Variants in LHFPL2 observed in about 807,000 individuals in gnomAD.
The protein encoded by LHFPL2 is LHFPL tetraspan subfamily member 2 protein.
In LHFPL2, 7 loss-of-function variants were observed where a neutral mutation model predicts 17.5. The observed-to-expected ratio is 0.40, with a 90% CI of 0.23 to 0.75. The LOEUF (loss-of-function observed/expected upper bound fraction) is 0.75. Ranked by LOEUF, LHFPL2 falls within the 30% of genes least tolerant of loss-of-function variation. The pLI is 0.37. For missense variants in LHFPL2, 241 were observed against 294.8 expected (o/e 0.82, Z 1.34); for synonymous variants, 134 against 116.2 (o/e 1.15, Z -0.99).
intron 2 of LHFPL2, among the ~76,000 whole-genome samples, chr5:78,609,162 A>C (rs1744325422): frequency 6.6e-6 from 1 of 152,060 alleles, no homozygotes; most frequent in Non-Finnish European, 1.5e-5. Flanking sequence ...CTGGAGAAAA[A>C]TCCATCTATA....
At chr5:78,634,738 C>T (rs1169764938) in intron 1 of LHFPL2, among the ~76,000 whole-genome samples, 2 of 152,216 alleles carry the variant, frequency 1.3e-5, no homozygotes, top group East Asian at 3.8e-4. Context: ...ATGATTTGCC[C>T]AAGGCCGCAG....
rs568427588 is a variant in LHFPL2 at position 78,490,844 on chromosome 5, C to G, written c.431-1691G>C. 3.3e-5 allele frequency among the ~76,000 whole-genome samples: 5 copies of G among 151,352 alleles called. No homozygotes were observed. The South Asian group carries it at 1.0e-3, about 32-fold the overall frequency. On this transcript the variant is annotated intron_variant, in intron 4 of 4. Coordinates refer to ENST00000380345, the MANE Select transcript of LHFPL2 (RefSeq NM_005779.3). ...ACCTATGTAATCAAGAATGCTGTAT[C>G]ATAATCAAAGTTCCCACTTTTTAGA...
chr5:78,620,897 C>T (rs1357088316), intron 2 of LHFPL2, among the ~76,000 whole-genome samples: 6 of 151,918 alleles, frequency 3.9e-5, no homozygotes, highest in Non-Finnish European at 8.8e-5. Context: ...GCACATATGC[C>T]GTGGCTCCAG....
chr5:78,579,335 T>C (rs1032364570), intron 2 of LHFPL2, among the ~76,000 whole-genome samples: 2 of 151,948 alleles, frequency 1.3e-5, no homozygotes, highest in African/African-American at 4.8e-5. Context: ...GTTGTTGTTG[T>C]TTTTCATTTA....
intron 4 of LHFPL2, among the ~76,000 whole-genome samples, chr5:78,501,671 C>T (rs772445025): frequency 6.6e-6 from 1 of 152,174 alleles, no homozygotes; most frequent in African/African-American, 2.4e-5. Flanking sequence ...TCAAGTGATC[C>T]TCCTGCCCGT....
chr5:78,490,576 C>T (rs1244915514), intron 4 of LHFPL2, among the ~76,000 whole-genome samples: 2 of 151,846 alleles, frequency 1.3e-5, no homozygotes, highest in Non-Finnish European at 2.9e-5. Flanking sequence ...CATGGTGAAA[C>T]CCCGTCTAAC....
intron 2 of LHFPL2, among the ~76,000 whole-genome samples, chr5:78,578,722 G>A (rs189782631): frequency 1.3e-5 from 2 of 152,254 alleles, no homozygotes; most frequent in African/African-American, 4.8e-5. Context: ...TGAATGACTT[G>A]ACTTTGCTGT....
At chr5:78,619,687 A>T (rs566009202) in intron 2 of LHFPL2, among the ~76,000 whole-genome samples, 2 of 131,196 alleles carry the variant, frequency 1.5e-5, no homozygotes, top group East Asian at 4.8e-4. Flanking sequence ...GAGTGTAATG[A>T]TCCCCTTCCT....
At chr5:78,607,681 A>G (rs2112481461) in intron 2 of LHFPL2, among the ~76,000 whole-genome samples, 1 of 152,340 alleles carries the variant, frequency 6.6e-6, no homozygotes, top group Middle Eastern at 3.4e-3. Context: ...AGTCAGCATG[A>G]AAAGTCCATC....
At chr5:78,646,761 C>T (rs1274812865) in intron 1 of LHFPL2, among the ~76,000 whole-genome samples, 1 of 152,208 alleles carries the variant, frequency 6.6e-6, no homozygotes, top group Non-Finnish European at 1.5e-5. Context: ...CCCATGCATA[C>T]GGTGAACAGC....
At chr5:78,578,090 C>T (rs181771799) in intron 2 of LHFPL2, among the ~76,000 whole-genome samples, 1 of 152,322 alleles carries the variant, frequency 6.6e-6, no homozygotes, top group South Asian at 2.1e-4. Flanking sequence ...TCTCAACTGG[C>T]AAACACCAGG....
chr5:78,570,957 G>A (rs1022470300), intron 2 of LHFPL2, among the ~76,000 whole-genome samples: 1 of 152,094 alleles, frequency 6.6e-6, no homozygotes, highest in Non-Finnish European at 1.5e-5. Context: ...ACAGACCAAT[G>A]TTTCTGAAAA....
At chr5:78,560,788 T>A (rs1756704925) in intron 3 of LHFPL2, among the ~76,000 whole-genome samples, 1 of 152,044 alleles carries the variant, frequency 6.6e-6, no homozygotes, top group South Asian at 2.1e-4. Context: ...GAACAAAACC[T>A]TAAAAAAAGA....
intron 2 of LHFPL2, among the ~76,000 whole-genome samples, chr5:78,590,744 A>C (rs1377824714): frequency 6.6e-6 from 1 of 152,244 alleles, no homozygotes; most frequent in Non-Finnish European, 1.5e-5. Context: ...TAGTTGTATC[A>C]TCCATGCTGG....
intron 3 of LHFPL2, among the ~76,000 whole-genome samples, chr5:78,562,238 A>C (rs1756747478): frequency 6.6e-6 from 1 of 152,168 alleles, no homozygotes; most frequent in South Asian, 2.1e-4. Context: ...AGAATTCCAC[A>C]TGGTAATGAA....
intron 3 of LHFPL2, among the ~76,000 whole-genome samples, chr5:78,544,147 G>C (rs577676297): frequency 3.3e-5 from 5 of 152,266 alleles, no homozygotes; most frequent in Admixed American, 3.3e-4. Flanking sequence ...TTCCCACGTG[G>C]CTGTCTTCCA....
chr5:78,571,923 G>C (rs1260091147), intron 2 of LHFPL2, among the ~76,000 whole-genome samples: 1 of 152,108 alleles, frequency 6.6e-6, no homozygotes, highest in Non-Finnish European at 1.5e-5. Flanking sequence ...AATCAGTTTT[G>C]GTCTGTGATA....
intron 4 of LHFPL2, among the ~76,000 whole-genome samples, 162 bp from the exon 5 acceptor site, chr5:78,489,315 G>C (rs952521369): frequency 2.0e-5 from 3 of 152,196 alleles, no homozygotes; most frequent in African/African-American, 7.2e-5. Flanking sequence ...ACCTGATCAA[G>C]AAGTATCACA....
intron 2 of LHFPL2, among the ~76,000 whole-genome samples, chr5:78,594,668 C>T (rs1490440503): frequency 6.6e-6 from 1 of 152,092 alleles, no homozygotes; most frequent in East Asian, 1.9e-4. Flanking sequence ...TAAGTGTTCC[C>T]CTGGGATAAG....
Sources: gnomAD v4.1 joint callset for allele counts (sites outside exome capture counted in the v4.1 genomes callset) on GRCh38, gnomAD v4.1.1 for gene constraint, MANE v1.5 for transcripts, NCBI Gene and HGNC (gene_info 2026-07-23, HGNC 2026-07-21) for gene names.